Variants in HMOX1 observed in about 807,000 individuals in gnomAD.
HMOX1 encodes the protein heme oxygenase 1, also known as heat shock protein, 32-kD.
In HMOX1, 22 loss-of-function variants were observed where a neutral mutation model predicts 27.8. The ratio of observed to expected loss-of-function variants is 0.79; its 90% CI spans 0.57 to 1.13. The LOEUF (loss-of-function observed/expected upper bound fraction) is 1.13, where lower values mean the gene tolerates loss of function less well. Among genes scored for constraint, HMOX1 ranks in the 50% most tolerant of loss-of-function variants. The pLI, the probability that HMOX1 is intolerant of heterozygous loss-of-function variation, is 0.00. For missense variants in HMOX1, 379 were observed against 377.7 expected (o/e 1.00, Z -0.03); for synonymous variants, 153 against 151.6 (o/e 1.01, Z -0.07).
At chr22:35,393,417 AC>A (rs1294131517) in intron 4 of HMOX1, 50 bp from the exon 5 acceptor site, 1 of 1,611,754 alleles carries the variant, frequency 6.2e-7, no homozygotes, top group Admixed American at 1.7e-5. Flanking sequence ...GACATCAGAC[AC>A]CCTGATGCAC....
At chr22:35,382,022 G>A (rs1175743733) in intron 1 of HMOX1, among the ~76,000 whole-genome samples, 1 of 152,128 alleles carries the variant, frequency 6.6e-6, no homozygotes, top group Non-Finnish European at 1.5e-5. Context: ...TAACCCTGAC[G>A]CCTTCATGAT....
chr22:35,386,334 T>C (rs1442849079), intron 2 of HMOX1, among the ~76,000 whole-genome samples: 4 of 152,158 alleles, frequency 2.6e-5, no homozygotes, highest in Non-Finnish European at 4.4e-5. Context: ...CTCAGACTCC[T>C]GGCTTTAAGC....
chr22:35,383,003 A>T, intron 1 of HMOX1, 103 bp from the exon 2 acceptor site: 1 of 1,488,876 alleles, frequency 6.7e-7, no homozygotes, highest in Non-Finnish European at 9.3e-7. Flanking sequence ...CTGAATGAGG[A>T]TGGGAGTCTC....
rs1240007740 is a variant in HMOX1, at chr22:35,393,542, G to A, written c.811G>A (p.Val271Ile). 1 of 1,614,186 alleles carries A rather than the reference G, an allele frequency of 6.2e-7. No individual in the cohort carries two copies. Among genetic ancestry groups the A allele is most frequent in the Admixed American group, 1.7e-5 (1 of 60,014 alleles). Residue 271 changes from valine (V) to isoleucine (I), a missense_variant, in exon 5 of 5, where the codon GTC becomes ATC. By Grantham distance (29) the Val-to-Ile change is conservative (BLOSUM62 3). Coordinates refer to ENST00000216117, the MANE Select transcript of HMOX1 (RefSeq NM_002133.3). ...TRSQAPLLRW[V>I]LTLSFLVATV... ...CTCCCAGGCTCCGCTTCTCCGATGG[G>A]TCCTTACACTCAGCTTTCTGGTGGC...
At position 35,383,205 on chromosome 22, in the gene HMOX1, G is replaced by C. The variant is rs745903133; in HGVS notation, c.123G>C (p.Gln41His). The change falls in exon 2 of 5, where the codon CAG becomes CAC. Residue 41 changes from glutamine to histidine, a missense_variant. Physicochemically the swap from Gln to His is conservative, Grantham distance 24. Transcript: ENST00000216117. ...TCATGAGGAACTTTCAGAAGGGCCA[G>C]GTGACCCGAGACGGCTTCAAGGTAT... ...AEFMRNFQKG[Q>H]VTRDGFKLVM... is the part of the protein sequence containing the mutation. The C allele has an allele frequency of 6.2e-7, 1 of 1,613,782 alleles. No homozygotes were observed. The highest frequency in any genetic ancestry group is 1.1e-5 in the South Asian group (1 of 91,080).
chr22:35,389,818 GT>G (rs759723797), intron 3 of HMOX1, 45 bp from the exon 4 acceptor site: 2 of 1,310,128 alleles, frequency 1.5e-6, no homozygotes, highest in South Asian at 2.5e-5. Flanking sequence ...CTGGGACCTG[GT>G]AGCATCTCTC....
In HMOX1 at chr22:35,387,196, G is replaced by C. The variant is rs1206749987; in HGVS notation, c.636+20G>C. ...ATCCAGGTGAGGGTCGGGCAGCCTG[G>C]GGCAGCCTCTGCCTCCCCCCGTTGT... On this transcript the variant is annotated intron_variant, in intron 3 of 4. Transcript: ENST00000216117. The C allele has an allele frequency of 1.9e-6, 3 of 1,612,910 alleles. No homozygotes were observed. In the African/African-American group the frequency reaches 4.0e-5, roughly 22 times the overall value.
rs1232057826 is a variant in HMOX1 at position 35,389,341 on chromosome 22, CTCCTTCCTTCCTTCCT to C, written c.637-481_637-466del. ...TTTCTTCTTTCTTTCTTTCTTTCTT[CTCCTTCCTTCCTTCCT>C]TCCTTCCTTCCTTCCTTCCTTCCTT... On this transcript the variant is annotated intron_variant, in intron 3 of 4. Coordinates refer to ENST00000216117, the MANE Select transcript of HMOX1 (RefSeq NM_002133.3). Among the ~76,000 whole-genome samples, 172 of 62,558 alleles carry C rather than the reference CTCCTTCCTTCCTTCCT, an allele frequency of 2.7e-3. 4 individuals carry two copies. The highest frequency in any genetic ancestry group is 0.023 in the Middle Eastern group (3 of 128). The allele number at this position is 62,558 out of a possible 152,430, so 41.0% of individuals were successfully genotyped here.
chr22:35,385,041 T>A (rs941949616), intron 2 of HMOX1, among the ~76,000 whole-genome samples: 1 of 151,956 alleles, frequency 6.6e-6, no homozygotes, highest in Non-Finnish European at 1.5e-5. Flanking sequence ...ACTCAGAAAC[T>A]CCAACCTAAA....
At chr22:35,384,926 C>T (rs1931468997) in intron 2 of HMOX1, among the ~76,000 whole-genome samples, 2 of 151,558 alleles carry the variant, frequency 1.3e-5, no homozygotes, top group African/African-American at 4.9e-5. Flanking sequence ...TGGGTAAGAA[C>T]CAGGTCCGTC....
rs1569057406 is a variant in HMOX1 at position 35,389,338 on chromosome 22, CTTCTCCTTCCT to C, written c.637-524_637-514del. On this transcript the variant is annotated intron_variant, in intron 3 of 4. Transcript: ENST00000216117. The stretch of plus-strand genomic sequence containing the variant: ...TTCTTTCTTCTTTCTTTCTTTCTTT[CTTCTCCTTCCT>C]TCCTTCCTTCCTTCCTTCCTTCCTT... 2.1e-4 allele frequency among the ~76,000 whole-genome samples: 20 copies of C among 94,770 alleles called. 1 individual carries two copies. In the East Asian group the frequency reaches 2.7e-3, roughly 13 times the overall value. 62.2% of individuals were successfully genotyped at this position (94,770 alleles called of 152,430 possible). A position where few individuals can be genotyped will look rare whatever the true frequency, so the allele number is the denominator to read the frequency against.
chr22:35,389,731 G>C, intron 3 of HMOX1, 133 bp from the exon 4 acceptor site: 1 of 721,600 alleles, frequency 1.4e-6, no homozygotes, highest in Non-Finnish European at 2.5e-6. Context: ...GCGCACCACC[G>C]TGTCCGGCCA....
intron 3 of HMOX1, among the ~76,000 whole-genome samples, 191 bp from the exon 4 acceptor site, chr22:35,389,673 A>AT (rs1931663885): frequency 8.5e-6 from 1 of 117,230 alleles, no homozygotes; most frequent in Admixed American, 7.6e-5. Flanking sequence ...CAAACTTCTG[A>AT]CCCGTGATGT....
intron 3 of HMOX1, among the ~76,000 whole-genome samples, chr22:35,389,450 T>G (rs1256851429): frequency 9.9e-6 from 1 of 101,306 alleles, no homozygotes; most frequent in African/African-American, 8.2e-5. Flanking sequence ...CTTTCTTTCT[T>G]TTCTTTCTTT....
rs1486168722 is a variant in HMOX1 at position 35,387,155 on chromosome 22, T to C, written c.615T>C (p.Thr205=). ...AGAGGGTGATAGAAGAGGCCAAGAC[T>C]GCGTTCCTGCTCAACATCCAGGTGA... ...VRQRVIEEAK[T]AFLLNIQLFE... is the part of the protein sequence containing the mutation. Residue 205 remains threonine (T), a synonymous_variant, in exon 3 of 5, where the codon ACT becomes ACC. Coordinates refer to ENST00000216117, the MANE Select transcript of HMOX1 (RefSeq NM_002133.3). 2 of 1,613,406 alleles carry C rather than the reference T, an allele frequency of 1.2e-6. No homozygotes were observed. Among genetic ancestry groups the C allele is most frequent in the East Asian group, 4.5e-5 (2 of 44,902 alleles).
Position 35,387,049 on chromosome 22 carries a change from C to A in HMOX1, c.509C>A (p.Pro170His). The A allele has an allele frequency of 1.2e-6, 2 of 1,613,664 alleles. No individual in the cohort carries two copies. Among genetic ancestry groups the A allele is most frequent in the Non-Finnish European group, 8.5e-7 (1 of 1,180,026 alleles). Residue 170 changes from proline to histidine, a missense_variant, in exon 3 of 5, where the codon CCC becomes CAC. Pro to His is a moderately conservative substitution (Grantham distance 77). Coordinates refer to ENST00000216117, the MANE Select transcript of HMOX1 (RefSeq NM_002133.3). ...GAGGGCCTGGCCTTCTTCACCTTCCCCAACATTGCCAGTGCCACCAAGTTC... is the reference window on the plus strand; with the variant it reads ...GAGGGCCTGGCCTTCTTCACCTTCCACAACATTGCCAGTGCCACCAAGTTC... ...SGEGLAFFTF[P>H]NIASATKFKQ...
intron 3 of HMOX1, among the ~76,000 whole-genome samples, chr22:35,389,204 T>TC (rs1407509781): frequency 7.9e-6 from 1 of 127,148 alleles, no homozygotes; most frequent in African/African-American, 3.7e-5. Context: ...TTTCTTTCTT[T>TC]CTTTCTTTCT....
chr22:35,393,789 A>G lies in HMOX1; in HGVS notation c.*191A>G. On this transcript the variant is annotated 3_prime_UTR_variant, in exon 5 of 5. Coordinates refer to ENST00000216117, the MANE Select transcript of HMOX1 (RefSeq NM_002133.3). ...TGGCATCTTCCCCAACGAAAAGCAC[A>G]TCCAGGCAATGGCCTAAACTTCAGA... The G allele has an allele frequency of 5.8e-6, 4 of 690,578 alleles. No homozygotes were observed. In the Admixed American group the frequency reaches 8.8e-5, roughly 15 times the overall value. 42.8% of individuals were successfully genotyped at this position (690,578 alleles called of 1,614,324 possible). A position where few individuals can be genotyped will look rare whatever the true frequency, so the allele number is the denominator to read the frequency against.
intron 1 of HMOX1, 125 bp from the exon 2 acceptor site, chr22:35,382,981 T>A: frequency 1.5e-6 from 2 of 1,352,264 alleles, no homozygotes; most frequent in Non-Finnish European, 2.1e-6. Context: ...TTAAAGCGAT[T>A]GAGAACGTGG....
Sources: gnomAD v4.1 joint callset for allele counts (sites outside exome capture counted in the v4.1 genomes callset) on GRCh38, gnomAD v4.1.1 for gene constraint, MANE v1.5 for transcripts, NCBI Gene and HGNC (gene_info 2026-07-23, HGNC 2026-07-21) for gene names.